Variants in IMMP2L observed in about 807,000 individuals in gnomAD.
The protein encoded by IMMP2L is inner mitochondrial membrane peptidase subunit 2, also known as mitochondrial inner membrane protease subunit 2.
Under a neutral mutation model 19.3 loss-of-function variants are expected in IMMP2L, and 18 were observed. The ratio of observed to expected loss-of-function variants is 0.93; its 90% CI spans 0.64 to 1.38. IMMP2L has a LOEUF of 1.38. IMMP2L is among the 40% of genes most tolerant of loss of function. The probability of loss-of-function intolerance (pLI) is 0.00; values close to 1 mark genes in which losing one functional copy is unlikely to be tolerated. For synonymous variants in IMMP2L, 76 were observed against 73.0 expected (o/e 1.04, Z -0.21); for missense variants, 233 against 218.2 (o/e 1.07, Z -0.43).
chr7:111,158,969 T>G (rs926828079), intron 3 of IMMP2L, among the ~76,000 whole-genome samples: 1 of 152,178 alleles, frequency 6.6e-6, no homozygotes, highest in African/African-American at 2.4e-5. Context: ...ATGCTTAATA[T>G]CCACATACTT....
intron 5 of IMMP2L, among the ~76,000 whole-genome samples, chr7:110,745,704 G>A (rs1262014580): frequency 6.6e-6 from 1 of 152,146 alleles, no homozygotes; most frequent in African/African-American, 2.4e-5. Flanking sequence ...TAAATGCTGA[G>A]AGATTTTGTC....
chr7:111,380,800 T>C (rs1010388666), intron 3 of IMMP2L, among the ~76,000 whole-genome samples: 9 of 152,040 alleles, frequency 5.9e-5, no homozygotes, highest in African/African-American at 1.9e-4. Flanking sequence ...TATCATATTG[T>C]ATCATCAGAC....
chr7:111,468,036 C>G (rs1840846901), intron 3 of IMMP2L, among the ~76,000 whole-genome samples: 2 of 152,218 alleles, frequency 1.3e-5, no homozygotes, highest in African/African-American at 2.4e-5. Flanking sequence ...AGGAAACAAC[C>G]AATTGTAAAA....
At chr7:110,799,402 G>C (rs370728481) in intron 5 of IMMP2L, among the ~76,000 whole-genome samples, 1 of 151,936 alleles carries the variant, frequency 6.6e-6, no homozygotes, top group Non-Finnish European at 1.5e-5. Context: ...CTCAAGTCAG[G>C]ACATATTTGT....
intron 3 of IMMP2L, among the ~76,000 whole-genome samples, chr7:111,129,841 G>C (rs1275663284): frequency 2.0e-5 from 3 of 152,016 alleles, no homozygotes; most frequent in Non-Finnish European, 4.4e-5. Flanking sequence ...TGCAAAATCA[G>C]AGTTAATATT....
At chr7:111,267,809 G>A (rs1010357064) in intron 3 of IMMP2L, among the ~76,000 whole-genome samples, 1 of 151,982 alleles carries the variant, frequency 6.6e-6, no homozygotes, top group Admixed American at 6.6e-5. Context: ...TTCCAGGATA[G>A]ACCACAAATT....
intron 3 of IMMP2L, among the ~76,000 whole-genome samples, chr7:111,272,435 T>C (rs1182872021): frequency 6.6e-6 from 1 of 152,198 alleles, no homozygotes; most frequent in African/African-American, 2.4e-5. Flanking sequence ...TGTACACTGC[T>C]ACTTTAGTAT....
At chr7:110,844,549 G>A (rs1311373631) in intron 5 of IMMP2L, among the ~76,000 whole-genome samples, 2 of 149,050 alleles carry the variant, frequency 1.3e-5, no homozygotes, top group East Asian at 3.9e-4. Flanking sequence ...ATATGCTAAG[G>A]TATTTGCCCT....
At chr7:111,501,847 C>T (rs548687156) in intron 2 of IMMP2L, among the ~76,000 whole-genome samples, 7 of 152,216 alleles carry the variant, frequency 4.6e-5, no homozygotes, top group East Asian at 3.9e-4. Flanking sequence ...AAGGAACAAC[C>T]GGTACCAGCC....
chr7:111,490,656 A>G (rs1843017962), intron 2 of IMMP2L, among the ~76,000 whole-genome samples: 1 of 152,090 alleles, frequency 6.6e-6, no homozygotes, highest in South Asian at 2.1e-4. Flanking sequence ...CAACTTAGAA[A>G]TGATTCCATT....
At chr7:111,216,995 C>T (rs771740941) in intron 3 of IMMP2L, among the ~76,000 whole-genome samples, 4 of 151,874 alleles carry the variant, frequency 2.6e-5, no homozygotes, top group Non-Finnish European at 5.9e-5. Context: ...CCCTAAATGG[C>T]ACATTTTAAT....
At chr7:111,435,160 G>C (rs1165485884) in intron 3 of IMMP2L, among the ~76,000 whole-genome samples, 2 of 151,808 alleles carry the variant, frequency 1.3e-5, no homozygotes, top group African/African-American at 2.4e-5. Flanking sequence ...ACTACCATTA[G>C]ATATACTGAT....
At chr7:110,911,504 TA>T (rs1232832702) in intron 4 of IMMP2L, among the ~76,000 whole-genome samples, 3 of 152,144 alleles carry the variant, frequency 2.0e-5, no homozygotes, top group African/African-American at 7.2e-5. Context: ...TGTCTTTGTT[TA>T]AATAGTACAT....
At chr7:111,302,564 T>G (rs1048138252) in intron 3 of IMMP2L, among the ~76,000 whole-genome samples, 8 of 151,792 alleles carry the variant, frequency 5.3e-5, no homozygotes, top group African/African-American at 1.9e-4. Flanking sequence ...CCCTAGGAGG[T>G]GCTATTACTG....
intron 2 of IMMP2L, among the ~76,000 whole-genome samples, chr7:111,503,512 A>T (rs1044734851): frequency 2.0e-5 from 3 of 152,072 alleles, no homozygotes; most frequent in Admixed American, 6.5e-5. Context: ...GCAGAGACAC[A>T]ACAAAAAAAG....
At chr7:110,836,651 T>C (rs1464553506) in intron 5 of IMMP2L, among the ~76,000 whole-genome samples, 1 of 152,114 alleles carries the variant, frequency 6.6e-6, no homozygotes, top group Admixed American at 6.6e-5. Flanking sequence ...AACAGACTAA[T>C]ACACCTCATA....
chr7:111,458,886 C>T (rs1839903827), intron 3 of IMMP2L, among the ~76,000 whole-genome samples: 1 of 152,132 alleles, frequency 6.6e-6, no homozygotes. Flanking sequence ...GAATTCAAAA[C>T]TTCTAGTTTC....
chr7:111,008,942 C>T (rs572534982), intron 3 of IMMP2L, among the ~76,000 whole-genome samples: 1 of 152,196 alleles, frequency 6.6e-6, no homozygotes, highest in African/African-American at 2.4e-5. Flanking sequence ...TTTGAGTCAT[C>T]TCAGTGTCAG....
intron 5 of IMMP2L, among the ~76,000 whole-genome samples, chr7:110,806,045 T>G (rs1325440811): frequency 1.3e-5 from 2 of 151,982 alleles, no homozygotes; most frequent in African/African-American, 4.8e-5. Context: ...CCAGTTATCT[T>G]TGTTCCATTC....
Sources: allele counts gnomAD v4.1 joint callset (sites outside exome capture counted in the v4.1 genomes callset), GRCh38; gene constraint gnomAD v4.1.1; transcripts MANE v1.5; gene names NCBI Gene and HGNC (gene_info 2026-07-23, HGNC 2026-07-21).